CALN1: variants seen among roughly 807,000 people sequenced by gnomAD.
CALN1 encodes the protein calneuron 1.
Under a neutral mutation model 30.6 loss-of-function variants are expected in CALN1, and 17 were observed. The observed-to-expected ratio is 0.56, with a 90% CI of 0.38 to 0.83. The LOEUF is 0.83. CALN1 is among the 40% of genes least tolerant of loss of function. The pLI is 0.00. For missense variants in CALN1, 291 were observed against 354.9 expected (o/e 0.82, Z 1.45); for synonymous variants, 156 against 131.4 (o/e 1.19, Z -1.28).
chr7:71,814,613 C>T (rs1304604359), intron 5 of CALN1, among the ~76,000 whole-genome samples: 3 of 152,098 alleles, frequency 2.0e-5, no homozygotes, highest in African/African-American at 7.2e-5. Context: ...CTCCCTCTGC[C>T]ATTCCTGAGA....
intron 3 of CALN1, among the ~76,000 whole-genome samples, chr7:72,256,535 A>G (rs1795925954): frequency 6.6e-6 from 1 of 152,192 alleles, no homozygotes; most frequent in Non-Finnish European, 1.5e-5. Context: ...CTGGATTCAC[A>G]GATAAGACTT....
Position 71,849,316 on chromosome 7 carries a change from T to C in CALN1, c.502-38824A>G, listed in dbSNP as rs1442306090. 2.6e-5 allele frequency among the ~76,000 whole-genome samples: 4 copies of C among 152,162 alleles called. No homozygotes were observed. The East Asian group carries it at 5.8e-4, about 22-fold the overall frequency. The stretch of plus-strand genomic sequence containing the variant: ...TCCCACGTAGACCTGGGCATATATA[T>C]GGACTCCCAGTCCATTCCATTGATC... On this transcript the variant is annotated intron_variant, in intron 5 of 6. Coordinates refer to ENST00000395275, the MANE Select transcript of CALN1 (RefSeq NM_031468.4).
chr7:71,890,168 A>G (rs1352381187), intron 5 of CALN1, among the ~76,000 whole-genome samples: 1 of 152,156 alleles, frequency 6.6e-6, no homozygotes, highest in Admixed American at 6.5e-5. Flanking sequence ...GCAGTGGCAC[A>G]ATCATAGCTC....
At chr7:71,844,352 T>C (rs570799962) in intron 5 of CALN1, among the ~76,000 whole-genome samples, 2 of 152,266 alleles carry the variant, frequency 1.3e-5, no homozygotes, top group South Asian at 4.2e-4. Context: ...AATGTGTTGC[T>C]ACAGGACAAA....
At chr7:71,819,723 T>C (rs894592924) in intron 5 of CALN1, among the ~76,000 whole-genome samples, 9 of 152,192 alleles carry the variant, frequency 5.9e-5, no homozygotes, top group African/African-American at 2.2e-4. Flanking sequence ...CTTTTTTAGG[T>C]ACCTTATGTT....
chr7:72,176,537 T>A (rs1191289168), intron 3 of CALN1, among the ~76,000 whole-genome samples: 1 of 152,012 alleles, frequency 6.6e-6, no homozygotes, highest in Admixed American at 6.6e-5. Flanking sequence ...CTTCTCTTTC[T>A]CCCACTCTCG....
At chr7:72,092,548 T>C (rs1805939099) in intron 4 of CALN1, among the ~76,000 whole-genome samples, 1 of 150,666 alleles carries the variant, frequency 6.6e-6, no homozygotes, top group Non-Finnish European at 1.5e-5. Context: ...CCATAATAAT[T>C]GTGTTTCGCC....
intron 5 of CALN1, among the ~76,000 whole-genome samples, chr7:71,823,695 G>T (rs562300649): frequency 6.6e-6 from 1 of 151,586 alleles, no homozygotes; most frequent in African/African-American, 2.4e-5. Context: ...TCCAGCCTGG[G>T]CAACAGAGCG....
chr7:72,359,738 G>A (rs1585576232), intron 2 of CALN1, among the ~76,000 whole-genome samples: 1 of 152,130 alleles, frequency 6.6e-6, no homozygotes, highest in Admixed American at 6.6e-5. Context: ...CACTTTGGGA[G>A]GCTGAGGCGA....
At chr7:72,105,487 C>T (rs1807022688) in intron 4 of CALN1, among the ~76,000 whole-genome samples, 1 of 151,836 alleles carries the variant, frequency 6.6e-6, no homozygotes, top group Admixed American at 6.6e-5. Context: ...ACTCACTGCC[C>T]CCATTCCTTT....
At chr7:71,918,600 A>C (rs547271450) in intron 5 of CALN1, among the ~76,000 whole-genome samples, 17 of 152,300 alleles carry the variant, frequency 1.1e-4, no homozygotes, top group Admixed American at 1.0e-3. Context: ...AAATGTTGGC[A>C]CTAGGCCTGA....
intron 4 of CALN1, among the ~76,000 whole-genome samples, chr7:72,038,862 G>A (rs1044816819): frequency 1.3e-5 from 2 of 152,212 alleles, no homozygotes; most frequent in Non-Finnish European, 2.9e-5. Context: ...CTGGTTTAGC[G>A]TATCATCAAG....
At chr7:72,330,595 A>G (rs1245872106) in intron 2 of CALN1, among the ~76,000 whole-genome samples, 1 of 152,094 alleles carries the variant, frequency 6.6e-6, no homozygotes, top group Non-Finnish European at 1.5e-5. Flanking sequence ...ACACCACTAG[A>G]CTATAAGGGT....
intron 2 of CALN1, among the ~76,000 whole-genome samples, chr7:72,344,728 C>T (rs548006057): frequency 6.9e-6 from 1 of 145,424 alleles, no homozygotes; most frequent in African/African-American, 2.5e-5. Flanking sequence ...ATATAAATGG[C>T]TTTTTATAAA....
chr7:71,917,404 G>A (rs1794735263), intron 5 of CALN1, among the ~76,000 whole-genome samples: 1 of 152,124 alleles, frequency 6.6e-6, no homozygotes, highest in African/African-American at 2.4e-5. Flanking sequence ...CTTGATGAGA[G>A]CAGATTGTTA....
At chr7:72,041,896 CT>C (rs1287325061) in intron 4 of CALN1, among the ~76,000 whole-genome samples, 1 of 152,168 alleles carries the variant, frequency 6.6e-6, no homozygotes, top group Non-Finnish European at 1.5e-5. Context: ...GGCTTTGCTC[CT>C]CCTTGCCTTC....
intron 2 of CALN1, among the ~76,000 whole-genome samples, chr7:72,348,579 G>C (rs529097506): frequency 6.6e-6 from 1 of 152,344 alleles, no homozygotes; most frequent in South Asian, 2.1e-4. Flanking sequence ...AGTTAGTGGA[G>C]AGTTGTTAAG....
At chr7:72,381,212 T>G (rs1804879248) in intron 2 of CALN1, among the ~76,000 whole-genome samples, 1 of 152,170 alleles carries the variant, frequency 6.6e-6, no homozygotes, top group Admixed American at 6.5e-5. Flanking sequence ...GAATTATAGG[T>G]GTTCCTTGCT....
At chr7:72,195,602 C>T (rs1183939667) in intron 3 of CALN1, among the ~76,000 whole-genome samples, 2 of 152,128 alleles carry the variant, frequency 1.3e-5, no homozygotes, top group Non-Finnish European at 2.9e-5. Flanking sequence ...TGCTCTCTAA[C>T]TCCTGGGCCT....
Sources: gnomAD v4.1 joint callset for allele counts (sites outside exome capture counted in the v4.1 genomes callset) on GRCh38, gnomAD v4.1.1 for gene constraint, MANE v1.5 for transcripts, NCBI Gene and HGNC (gene_info 2026-07-23, HGNC 2026-07-21) for gene names.